IKZF1: variants seen among roughly 807,000 people sequenced by gnomAD.
IKZF1 encodes IKAROS family zinc finger 1.
IKZF1 carries 10 observed loss-of-function variants against 51.7 expected under a neutral mutation model. That is an observed-to-expected ratio of 0.19 (90% CI 0.12 to 0.33). The LOEUF (loss-of-function observed/expected upper bound fraction) is 0.33, where lower values mean the gene tolerates loss of function less well. Among genes scored for constraint, IKZF1 ranks in the 10% least tolerant of loss-of-function variants. The pLI, the probability that IKZF1 is intolerant of heterozygous loss-of-function variation, is 1.00. For missense variants in IKZF1, 484 were observed against 707.5 expected (o/e 0.68, Z 3.58); for synonymous variants, 280 against 282.3 (o/e 0.99, Z 0.08).
intron 3 of IKZF1, among the ~76,000 whole-genome samples, chr7:50,374,241 A>AAAATACAGTATTCAAGAG (rs1402949248): frequency 1.3e-5 from 2 of 152,236 alleles, no homozygotes; most frequent in African/African-American, 4.8e-5. Flanking sequence ...CTGTGGCTTG[A>AAAATACAGTATTCAAGAG]AAATACAGTA....
At chr7:50,320,830 A>C (rs1562728248) in intron 2 of IKZF1, among the ~76,000 whole-genome samples, 2 of 152,254 alleles carry the variant, frequency 1.3e-5, no homozygotes, top group Non-Finnish European at 2.9e-5. Flanking sequence ...CTTACCTTAG[A>C]GGTATATTCT....
intron 5 of IKZF1, among the ~76,000 whole-genome samples, chr7:50,383,285 T>A (rs1404564457): frequency 6.6e-6 from 1 of 152,168 alleles, no homozygotes; most frequent in Admixed American, 6.5e-5. Context: ...CAGCAGCCTT[T>A]CTCTTTGAAT....
intron 3 of IKZF1, among the ~76,000 whole-genome samples, chr7:50,331,037 A>G (rs2153394428): frequency 6.6e-6 from 1 of 152,362 alleles, no homozygotes; most frequent in East Asian, 1.9e-4. Context: ...CCTGCATCAC[A>G]GAATGGCCTT....
intron 1 of IKZF1, among the ~76,000 whole-genome samples, chr7:50,309,497 G>A (rs1789641487): frequency 6.6e-6 from 1 of 151,896 alleles, no homozygotes; most frequent in Admixed American, 6.6e-5. Flanking sequence ...ATTGGTGGGG[G>A]GTTTGCACAG....
At position 50,400,185 on chromosome 7, in the gene IKZF1, T is replaced by C. The variant is rs1362724815; in HGVS notation, c.1118T>C (p.Leu373Pro). Residue 373 changes from leucine to proline, a missense_variant, in exon 8 of 8, where the codon CTG (leucine) becomes CCG (proline). This residue lies in a region of IKZF1 where 172 missense variants were observed against 192.7 expected (regional missense o/e 0.89). Transcript: ENST00000331340. The surrounding 1 kb of genome is among the most constrained non-coding windows in gnomAD (Gnocchi z 5.4). ...HSAQDSAVEN[L>P]LLLSKAKLVP... ...GCCCAGGACAGCGCCGTGGAGAACC[T>C]GCTGCTGCTCTCCAAGGCCAAGTTG... 1.9e-6 allele frequency: 3 copies of C among 1,571,318 alleles called. No individual in the cohort carries two copies. Among genetic ancestry groups the C allele is most frequent in the Non-Finnish European group, 2.6e-6 (3 of 1,159,678 alleles).
In IKZF1 at chr7:50,400,889, C is replaced by A; in HGVS notation, c.*262C>A. On this transcript the variant is annotated 3_prime_UTR_variant, in exon 8 of 8. Coordinates refer to ENST00000331340, the MANE Select transcript of IKZF1 (RefSeq NM_006060.6). This position sits in a 1 kb window ranked among gnomAD's most constrained non-coding sequence, Gnocchi z 5.4. ...CCTAGATGTTTCCCCAGACCGCTGGCTGAGATTCCCTCACCTGTCGCTTCC... is the reference window on the plus strand; with the variant it reads ...CCTAGATGTTTCCCCAGACCGCTGGATGAGATTCCCTCACCTGTCGCTTCC... 1 of 518,368 alleles carries A rather than the reference C, an allele frequency of 1.9e-6. No homozygotes were observed. The highest frequency in any genetic ancestry group is 2.4e-5 in the South Asian group (1 of 41,748). 32.1% of individuals were successfully genotyped at this position (518,368 alleles called of 1,614,324 possible).
At chr7:50,304,647 G>C (rs943857627), upstream of IKZF1, 3 of 151,994 alleles carry the variant, frequency 2.0e-5, no homozygotes, top group African/African-American at 7.2e-5. Flanking sequence ...GGAACAATGC[G>C]AGTGAGCAAC....
intron 1 of IKZF1, among the ~76,000 whole-genome samples, chr7:50,311,872 T>TA (rs552568161): frequency 8.7e-4 from 132 of 151,472 alleles, no homozygotes; most frequent in Non-Finnish European, 1.2e-3. Context: ...TCTCTCTTTT[T>TA]AAAAAAAAAT....
chr7:50,386,953 C>CTGGAGGCAAATCTGCA (rs2153486973), intron 5 of IKZF1, among the ~76,000 whole-genome samples: 1 of 152,332 alleles, frequency 6.6e-6, no homozygotes, highest in Non-Finnish European at 1.5e-5. Context: ...GAGGCCTACT[C>CTGGAGGCAAATCTGCA]TGGAGGCAAA....
intron 4 of IKZF1, among the ~76,000 whole-genome samples, chr7:50,379,526 T>G (rs1288846136): frequency 6.6e-6 from 1 of 152,100 alleles, no homozygotes; most frequent in Non-Finnish European, 1.5e-5. Flanking sequence ...CCCACCAATG[T>G]CTCAGGGTTA....
At chr7:50,337,585 T>C in intron 3 of IKZF1, among the ~76,000 whole-genome samples, 1 of 152,326 alleles carries the variant, frequency 6.6e-6, no homozygotes, top group Non-Finnish European at 1.5e-5. Context: ...CCCCAGTACC[T>C]GGGCATCCCC....
Position 50,329,548 on chromosome 7 carries a change from A to G in IKZF1, c.160+1791A>G, listed in dbSNP as rs140795324. Among the ~76,000 whole-genome samples, 580 of 152,340 alleles carry G rather than the reference A, an allele frequency of 3.8e-3. 6 individuals are homozygous for G. Among genetic ancestry groups the G allele is most frequent in the African/African-American group, 0.012 (518 of 41,568 alleles). On this transcript the variant is annotated intron_variant, in intron 3 of 7. Coordinates refer to ENST00000331340, the MANE Select transcript of IKZF1 (RefSeq NM_006060.6). ...TCATATAAATTAAAAAATCAGTTTA[A>G]ATAAAAACATCAAGTCAATAGTAGT...
In IKZF1 at chr7:50,378,975, G is replaced by T. The variant is rs984787552; in HGVS notation, c.421+2182G>T. Among the ~76,000 whole-genome samples the T allele has an allele frequency of 2.0e-5, 3 of 152,214 alleles. 1 individual carries two copies. Among genetic ancestry groups the T allele is most frequent in the South Asian group, 4.1e-4 (2 of 4,836 alleles). On this transcript the variant is annotated intron_variant, in intron 4 of 7. Transcript: ENST00000331340. ...CTAGAAAAGGTTTTCATTTTCCTGGGATCTGAGTGGAATATGTTAGAAAAG... is the reference window on the plus strand; with the variant it reads ...CTAGAAAAGGTTTTCATTTTCCTGGTATCTGAGTGGAATATGTTAGAAAAG...
Position 50,400,075 on chromosome 7 carries a change from C to G in IKZF1, c.1008C>G (p.Gly336=). ...SLRPLVQTPP[G]GSEVVPVISP... ...GCCCGCTGGTGCAGACGCCCCCGGG[C>G]GGTTCCGAGGTGGTCCCGGTCATCA... Residue 336 remains glycine (G), a synonymous_variant, in exon 8 of 8, where the codon GGC becomes GGG. Coordinates refer to ENST00000331340, the MANE Select transcript of IKZF1 (RefSeq NM_006060.6). The surrounding 1 kb of genome is among the most constrained non-coding windows in gnomAD (Gnocchi z 5.4). 6.3e-7 allele frequency: 1 copy of G among 1,586,690 alleles called. No homozygotes were observed.
intron 3 of IKZF1, among the ~76,000 whole-genome samples, chr7:50,352,745 A>C (rs1449957765): frequency 6.6e-6 from 1 of 152,240 alleles, no homozygotes; most frequent in Non-Finnish European, 1.5e-5. Flanking sequence ...ACTTAAAGGA[A>C]GCCTCCAAGT....
At chr7:50,343,183 C>A in intron 3 of IKZF1, among the ~76,000 whole-genome samples, 1 of 115,218 alleles carries the variant, frequency 8.7e-6, no homozygotes, top group Non-Finnish European at 1.8e-5. Flanking sequence ...ACCCTCCCTC[C>A]CTTCCCCTCG....
At chr7:50,336,401 C>A in intron 3 of IKZF1, among the ~76,000 whole-genome samples, 1 of 152,250 alleles carries the variant, frequency 6.6e-6, no homozygotes, top group East Asian at 1.9e-4. Flanking sequence ...GTGGAGGTGG[C>A]AGGAGTGGGG....
rs1336804018 is a variant in IKZF1 at position 50,376,017 on chromosome 7, T to C, written c.161-516T>C. Among the ~76,000 whole-genome samples the C allele has an allele frequency of 6.6e-6, 1 of 152,244 alleles. No homozygotes were observed. Among genetic ancestry groups the C allele is most frequent in the East Asian group, 1.9e-4 (1 of 5,200 alleles). Reference sequence around the variant, plus strand: ...GTCCCAAAGTTTATTAATGTTTACATGCCACAAGGAAAGGTAGCATCACAA... The same window carrying C: ...GTCCCAAAGTTTATTAATGTTTACACGCCACAAGGAAAGGTAGCATCACAA... On this transcript the variant is annotated intron_variant, in intron 3 of 7. Coordinates refer to ENST00000331340, the MANE Select transcript of IKZF1 (RefSeq NM_006060.6). The surrounding 1 kb of genome is among the most constrained non-coding windows in gnomAD (Gnocchi z 4.5).
chr7:50,335,960 G>A (rs1797676923), intron 3 of IKZF1, among the ~76,000 whole-genome samples: 1 of 152,062 alleles, frequency 6.6e-6, no homozygotes, highest in Admixed American at 6.5e-5. Context: ...TGTCATGTCT[G>A]TGAAGCCTGA....
Sources: allele counts gnomAD v4.1 joint callset (sites outside exome capture counted in the v4.1 genomes callset), GRCh38; gene constraint gnomAD v4.1.1; regional missense constraint gnomAD v4.1.1; non-coding constraint Gnocchi (gnomAD v3.1); transcripts MANE v1.5; gene names NCBI Gene and HGNC (gene_info 2026-07-23, HGNC 2026-07-21).